Variants in KCNIP4 observed in about 807,000 individuals in gnomAD.
The protein encoded by KCNIP4 is Kv channel-interacting protein 4.
A neutral mutation model predicts 34.0 loss-of-function variants in KCNIP4; 12 were observed. The observed-to-expected ratio is 0.35, with a 90% CI of 0.23 to 0.57. The LOEUF (loss-of-function observed/expected upper bound fraction) is 0.57, where lower values mean the gene tolerates loss of function less well. Ranked by LOEUF, KCNIP4 falls within the 20% of genes least tolerant of loss-of-function variation. KCNIP4 has a pLI of 0.83. For missense variants in KCNIP4, 238 were observed against 311.7 expected, an observed-to-expected ratio of 0.76 and a Z score of 1.78; for synonymous variants, 124 against 102.2, an observed-to-expected ratio of 1.21 and a Z score of -1.29.
chr4:21,097,289 C>G (rs1219092948), intron 1 of KCNIP4, among the ~76,000 whole-genome samples: 2 of 152,184 alleles, frequency 1.3e-5, no homozygotes, highest in Admixed American at 1.3e-4. Context: ...AAGATACATA[C>G]TATAACATTA....
chr4:21,145,239 G>T (rs1161996897), intron 1 of KCNIP4, among the ~76,000 whole-genome samples: 1 of 152,138 alleles, frequency 6.6e-6, no homozygotes, highest in African/African-American at 2.4e-5. Flanking sequence ...CGTAGCTTTA[G>T]AAACTTAGAG....
intron 1 of KCNIP4, among the ~76,000 whole-genome samples, chr4:21,200,791 T>TA (rs1051429465): frequency 4.0e-5 from 6 of 151,314 alleles, no homozygotes; most frequent in Non-Finnish European, 8.8e-5. Context: ...GCTACTGAAA[T>TA]AAAAAAAATA....
chr4:21,179,753 T>G (rs1754706947), intron 1 of KCNIP4, among the ~76,000 whole-genome samples: 1 of 152,208 alleles, frequency 6.6e-6, no homozygotes, highest in African/African-American at 2.4e-5. Flanking sequence ...ACAAAAAAAC[T>G]TATTTTCTTT....
chr4:20,855,038 T>C (rs954232741), intron 2 of KCNIP4, among the ~76,000 whole-genome samples: 1 of 152,000 alleles, frequency 6.6e-6, no homozygotes, highest in Non-Finnish European at 1.5e-5. Flanking sequence ...TAACAAGGAG[T>C]CTTGTTTAAC....
chr4:20,998,976 A>G lies in KCNIP4; in HGVS notation c.62-116267T>C, dbSNP rs1467870497. On this transcript the variant is annotated intron_variant, in intron 1 of 8. Transcript: ENST00000382152. ...CCAGCTCTTCTTTCTTGGAGCCTAC[A>G]GTCAAATGGGAAATGCAGAAAAATA... Among the ~76,000 whole-genome samples, 4 of 152,256 alleles carry G rather than the reference A, an allele frequency of 2.6e-5. No individual in the cohort carries two copies. The East Asian group carries it at 5.8e-4, about 22-fold the overall frequency.
intron 1 of KCNIP4, among the ~76,000 whole-genome samples, chr4:21,320,786 C>A (rs1043163500): frequency 1.3e-5 from 2 of 151,948 alleles, no homozygotes; most frequent in African/African-American, 4.8e-5. Flanking sequence ...GCCTGGCCAA[C>A]ATGGCGAAGC....
intron 1 of KCNIP4, among the ~76,000 whole-genome samples, chr4:21,510,564 T>G (rs1734226593): frequency 6.6e-6 from 1 of 152,204 alleles, no homozygotes; most frequent in South Asian, 2.1e-4. Context: ...TGGAATAATG[T>G]GGGTTCTAGT....
intron 1 of KCNIP4, among the ~76,000 whole-genome samples, chr4:21,749,377 G>T (rs747220837): frequency 6.6e-6 from 1 of 152,080 alleles, no homozygotes; most frequent in African/African-American, 2.4e-5. Context: ...CACGATGATC[G>T]CTGTCTTTCA....
chr4:20,778,813 A>G (rs1448594942), intron 3 of KCNIP4, among the ~76,000 whole-genome samples: 1 of 152,198 alleles, frequency 6.6e-6, no homozygotes. Flanking sequence ...TGTTTTAGGA[A>G]TTTTATGTAA....
At chr4:21,762,309 A>G (rs924467851) in intron 1 of KCNIP4, among the ~76,000 whole-genome samples, 1 of 152,118 alleles carries the variant, frequency 6.6e-6, no homozygotes, top group Admixed American at 6.6e-5. Context: ...ACACATCCCA[A>G]TTTGGACCAG....
At chr4:21,764,227 G>A (rs1718250957) in intron 1 of KCNIP4, among the ~76,000 whole-genome samples, 1 of 152,114 alleles carries the variant, frequency 6.6e-6, no homozygotes, top group Non-Finnish European at 1.5e-5. Flanking sequence ...GGTACAGACT[G>A]GCAATTCTCA....
At chr4:20,867,047 T>TA (rs1363365747) in intron 2 of KCNIP4, among the ~76,000 whole-genome samples, 1 of 152,012 alleles carries the variant, frequency 6.6e-6, no homozygotes, top group Non-Finnish European at 1.5e-5. Flanking sequence ...TCTTGTAGAC[T>TA]GAAAGAATCA....
chr4:21,558,493 A>AAAAT (rs138894931), intron 1 of KCNIP4, among the ~76,000 whole-genome samples: 27 of 149,106 alleles, frequency 1.8e-4, no homozygotes, highest in African/African-American at 3.4e-4. Context: ...TTCTGTCTCA[A>AAAAT]AAATAAATAA....
intron 1 of KCNIP4, among the ~76,000 whole-genome samples, chr4:21,569,301 A>C (rs1276171979): frequency 7.1e-6 from 1 of 141,304 alleles, no homozygotes; most frequent in African/African-American, 2.6e-5. Flanking sequence ...TTTGTTGAAT[A>C]TTTCAACATA....
chr4:20,731,916 A>G (rs1748356345), intron 8 of KCNIP4, 90 bp downstream of exon 8: 3 of 1,558,596 alleles, frequency 1.9e-6, no homozygotes, highest in Non-Finnish European at 2.6e-6. Flanking sequence ...TGATCTCTAT[A>G]TTTCGCCCAG....
chr4:21,424,514 G>T (rs1316970205), intron 1 of KCNIP4, among the ~76,000 whole-genome samples: 2 of 151,990 alleles, frequency 1.3e-5, no homozygotes, highest in Non-Finnish European at 2.9e-5. Flanking sequence ...GGAGGTTGCA[G>T]TTAGCTGAGA....
At chr4:20,982,151 T>C (rs1230712036) in intron 1 of KCNIP4, among the ~76,000 whole-genome samples, 5 of 152,144 alleles carry the variant, frequency 3.3e-5, no homozygotes, top group East Asian at 3.8e-4. Flanking sequence ...ACTTTGACAA[T>C]ATAAGAACTG....
intron 1 of KCNIP4, among the ~76,000 whole-genome samples, chr4:21,040,178 A>T (rs1051864118): frequency 2.0e-5 from 3 of 152,180 alleles, no homozygotes; most frequent in Admixed American, 2.0e-4. Flanking sequence ...TCAAGATGAG[A>T]TTCGGGTGGG....
intron 1 of KCNIP4, among the ~76,000 whole-genome samples, chr4:21,235,498 C>T (rs1430555233): frequency 6.6e-6 from 1 of 152,158 alleles, no homozygotes; most frequent in East Asian, 1.9e-4. Context: ...CCCAGATATC[C>T]ATGACTTGCT....
Sources: allele counts gnomAD v4.1 joint callset (sites outside exome capture counted in the v4.1 genomes callset), GRCh38; gene constraint gnomAD v4.1.1; transcripts MANE v1.5; gene names NCBI Gene and HGNC (gene_info 2026-07-23, HGNC 2026-07-21).